Variants in GOLGB1 observed in about 807,000 individuals in gnomAD.
GOLGB1 encodes golgin subfamily B member 1.
A neutral mutation model predicts 336.9 loss-of-function variants in GOLGB1; 174 were observed. That is an observed-to-expected ratio of 0.52 (90% CI 0.46 to 0.59). GOLGB1 has a LOEUF of 0.59. Among genes scored for constraint, GOLGB1 ranks in the 20% least tolerant of loss-of-function variants. The probability of loss-of-function intolerance (pLI) is 0.00; values close to 1 mark genes in which losing one functional copy is unlikely to be tolerated. For missense variants in GOLGB1, 3,331 were observed against 3,645.3 expected, an observed-to-expected ratio of 0.91 and a Z score of 2.22; for synonymous variants, 1,208 against 1,289.2, an observed-to-expected ratio of 0.94 and a Z score of 1.35.
intron 10 of GOLGB1, among the ~76,000 whole-genome samples, chr3:121,713,602 T>C (rs906757850): frequency 6.6e-6 from 1 of 152,106 alleles, no homozygotes; most frequent in Non-Finnish European, 1.5e-5. Context: ...TCAGTAGTTG[T>C]CTTTGGAGGG....
chr3:121,699,837 C>A lies in GOLGB1; in HGVS notation c.1568G>T (p.Gly523Val), dbSNP rs1484320083. 6.2e-7 allele frequency: 1 copy of A among 1,604,874 alleles called. No homozygotes were observed. Among genetic ancestry groups the A allele is most frequent in the South Asian group, 1.1e-5 (1 of 90,630 alleles). The change falls in exon 12 of 22, where the codon GGG becomes GTG. Residue 523 changes from glycine to valine, a missense_variant. Transcript: ENST00000614479. ...ITLLEAQNRT[G>V]EADREVSEIS... ...CTCACTGACTTCTCTGTCTGCCTCC[C>A]CAGTTCTATTCTGAGCCTCTAGGAG...
chr3:121,690,620 A>C (rs1942320175), intron 14 of GOLGB1, 50 bp downstream of exon 14: 3 of 936,960 alleles, frequency 3.2e-6, no homozygotes, highest in Non-Finnish European at 4.6e-6. Context: ...AATTTAAAGA[A>C]AGGTTCAAAA....
intron 14 of GOLGB1, among the ~76,000 whole-genome samples, chr3:121,690,047 C>G (rs1319794046): frequency 6.6e-6 from 1 of 152,202 alleles, no homozygotes; most frequent in Non-Finnish European, 1.5e-5. Context: ...GCCTCTTTAG[C>G]TTTTTCTCCC....
rs1942469507 is a variant in GOLGB1, at chr3:121,691,961, A to C, written c.7403T>G (p.Val2468Gly). Residue 2468 changes from valine to glycine, a missense_variant, in exon 14 of 22, where the codon GTT (valine) becomes GGT (glycine). By Grantham distance (109) the Val-to-Gly change is moderately radical. Coordinates refer to ENST00000614479, the MANE Select transcript of GOLGB1 (RefSeq NM_001366282.2). ...IQQKAQLDSF[V>G]KSMSSLQNDR... ...ATTTTGGAGAGAAGACATGGATTTA[A>C]CAAAGGAATCCAACTGTGCCTTTTG... is the stretch of plus-strand genomic sequence containing the variant. 6.2e-7 allele frequency: 1 copy of C among 1,614,012 alleles called. No homozygotes were observed. The highest frequency in any genetic ancestry group is 1.3e-5 in the African/African-American group (1 of 74,940).
chr3:121,665,321 A>C (rs1386155412), intron 20 of GOLGB1, among the ~76,000 whole-genome samples: 2 of 152,168 alleles, frequency 1.3e-5, no homozygotes, highest in African/African-American at 4.8e-5. Context: ...GGTTGGTCTT[A>C]TTATCTTCAA....
At chr3:121,700,641 T>C (rs1268326856) in intron 11 of GOLGB1, among the ~76,000 whole-genome samples, 1 of 152,104 alleles carries the variant, frequency 6.6e-6, no homozygotes, top group Non-Finnish European at 1.5e-5. Flanking sequence ...TATTGCCCCC[T>C]TTTTGTTCAC....
chr3:121,669,164 C>A, intron 18 of GOLGB1, 48 bp downstream of exon 18: 1 of 1,601,362 alleles, frequency 6.2e-7, no homozygotes, highest in Non-Finnish European at 8.5e-7. Flanking sequence ...ACCACTTGCA[C>A]TAAATTTCAT....
Position 121,692,272 on chromosome 3 carries a change from C to CA in GOLGB1, c.7091dup (p.Glu2365GlyfsTer3). On this transcript the variant is annotated frameshift_variant, in exon 14 of 22. Transcript: ENST00000614479. LOFTEE classifies it high-confidence loss of function. ...CTCTGGAGGCCTGAAGATCAGTCTCCAGTTGTTCATAACTGAACTTAGAAT... is the reference window on the plus strand; with the variant it reads ...CTCTGGAGGCCTGAAGATCAGTCTCCAAGTTGTTCATAACTGAACTTAGAAT... 1 of 1,610,512 alleles carries CA rather than the reference C, an allele frequency of 6.2e-7. No homozygotes were observed. The highest frequency in any genetic ancestry group is 1.1e-5 in the South Asian group (1 of 90,128).
chr3:121,695,468 C>T lies in GOLGB1; in HGVS notation c.5055G>A (p.Lys1685=). ...TTTTCTGCTGTTTAGATTTAGCAAA[C>T]TTTCTCATCTTTTCTTTCATTTCCT... ...EMEEMKEKMR[K]FAKSKQQKIL... Residue 1685 remains lysine, a synonymous_variant, in exon 13 of 22, where the codon AAG becomes AAA. Coordinates refer to ENST00000614479, the MANE Select transcript of GOLGB1 (RefSeq NM_001366282.2). 1.2e-6 allele frequency: 2 copies of T among 1,613,952 alleles called. No homozygotes were observed. Among genetic ancestry groups the T allele is most frequent in the Non-Finnish European group, 1.7e-6 (2 of 1,179,958 alleles).
intron 8 of GOLGB1, 139 bp from the exon 9 acceptor site, chr3:121,717,278 A>G (rs1944859384): frequency 2.9e-6 from 2 of 686,360 alleles, no homozygotes; most frequent in Non-Finnish European, 4.8e-6. Context: ...CTCAAGAAGG[A>G]GAGTTGAAAA....
intron 20 of GOLGB1, 121 bp from the exon 21 acceptor site, chr3:121,665,152 G>C: frequency 1.6e-6 from 1 of 638,846 alleles, no homozygotes; most frequent in South Asian, 1.9e-5. Context: ...AGCAAAAGCT[G>C]CTCCCATAAA....
intron 17 of GOLGB1, among the ~76,000 whole-genome samples, chr3:121,671,080 C>T (rs1329003402): frequency 1.3e-5 from 2 of 152,136 alleles, no homozygotes; most frequent in Admixed American, 6.5e-5. Flanking sequence ...TCTATGGCTG[C>T]GTTTGTGTTA....
rs766135138 is a variant in GOLGB1 at position 121,691,963 on chromosome 3, A to C, written c.7401T>G (p.Phe2467Leu). 1 of 1,614,084 alleles carries C rather than the reference A, an allele frequency of 6.2e-7. No individual in the cohort carries two copies. The highest frequency in any genetic ancestry group is 2.2e-5 in the East Asian group (1 of 44,880). The stretch of plus-strand genomic sequence containing the variant: ...TTTGGAGAGAAGACATGGATTTAAC[A>C]AAGGAATCCAACTGTGCCTTTTGCT... The part of the protein sequence containing the change: ...NIQQKAQLDS[F>L]VKSMSSLQND... Residue 2467 changes from phenylalanine (F) to leucine (L), a missense_variant, in exon 14 of 22, where the codon TTT (phenylalanine) becomes TTG (leucine). Transcript: ENST00000614479.
At chr3:121,705,612 A>T (rs1943747972) in intron 10 of GOLGB1, among the ~76,000 whole-genome samples, 1 of 152,204 alleles carries the variant, frequency 6.6e-6, no homozygotes, top group Admixed American at 6.5e-5. Context: ...AGAAAGAGCA[A>T]GATGGCTGCA....
intron 11 of GOLGB1, among the ~76,000 whole-genome samples, chr3:121,701,568 CAATA>C (rs1943410065): frequency 6.6e-6 from 1 of 152,062 alleles, no homozygotes; most frequent in Admixed American, 6.6e-5. Context: ...TGAATTAGAT[CAATA>C]AAGCATTAAC....
chr3:121,732,659 A>G (rs1000229336), intron 1 of GOLGB1, among the ~76,000 whole-genome samples: 4 of 152,248 alleles, frequency 2.6e-5, no homozygotes, highest in African/African-American at 9.6e-5. Flanking sequence ...ACACATTTCA[A>G]TATCTATTCA....
chr3:121,691,587 T>G lies in GOLGB1; in HGVS notation c.7777A>C (p.Arg2593=). The G allele has an allele frequency of 6.2e-7, 1 of 1,613,772 alleles. No individual in the cohort carries two copies. Among genetic ancestry groups the G allele is most frequent in the Non-Finnish European group, 8.5e-7 (1 of 1,179,892 alleles). Residue 2593 remains arginine (R), a synonymous_variant, in exon 14 of 22, where the codon AGG becomes CGG. Transcript: ENST00000614479. ...ESEEANEDLR[R]SFNALQEEKQ... is the part of the protein sequence containing the mutation. ...TCTTCTTGTAGGGCATTAAAGGACCTCCGCAGATCCTCATTTGCTTCCTCA... is the reference window on the plus strand; with the variant it reads ...TCTTCTTGTAGGGCATTAAAGGACCGCCGCAGATCCTCATTTGCTTCCTCA...
Position 121,727,028 on chromosome 3 carries a change from G to A in GOLGB1, c.416C>T (p.Ser139Phe). 3 of 1,572,450 alleles carry A rather than the reference G, an allele frequency of 1.9e-6. No homozygotes were observed. The highest frequency in any genetic ancestry group is 2.6e-6 in the Non-Finnish European group (3 of 1,150,310). ...TTCTATTTCCATCTCTTCCTCTGTA[G>A]AACTCTTGTCATGCTGAAAATGCAG... is the stretch of plus-strand genomic sequence containing the variant. The part of the protein sequence containing the change: ...EEQLSKHDKS[S>F]TEEEMEIEKI... Residue 139 changes from serine (S) to phenylalanine (F), a missense_variant, in exon 5 of 22, where the codon TCT becomes TTT. Coordinates refer to ENST00000614479, the MANE Select transcript of GOLGB1 (RefSeq NM_001366282.2).
chr3:121,675,087 C>T (rs969376138), intron 17 of GOLGB1, among the ~76,000 whole-genome samples: 7 of 151,744 alleles, frequency 4.6e-5, no homozygotes, highest in Admixed American at 3.3e-4. Context: ...CCACCCGCCT[C>T]GGCCTCCCAA....
Sources: allele counts gnomAD v4.1 joint callset (sites outside exome capture counted in the v4.1 genomes callset), GRCh38; gene constraint gnomAD v4.1.1; transcripts MANE v1.5; gene names NCBI Gene and HGNC (gene_info 2026-07-23, HGNC 2026-07-21).